TAFA4: variants seen among roughly 807,000 people sequenced by gnomAD.
TAFA4 encodes TAFA chemokine like family member 4.
TAFA4 carries 20 observed loss-of-function variants against 21.1 expected under a neutral mutation model. The observed-to-expected ratio is 0.95, with a 90% confidence interval of 0.67 to 1.38. TAFA4 has a LOEUF of 1.38. TAFA4 is among the 40% of genes most tolerant of loss of function. The pLI, the probability that TAFA4 is intolerant of heterozygous loss-of-function variation, is 0.00. For synonymous variants in TAFA4, 71 were observed against 67.4 expected (o/e 1.05, Z -0.26); for missense variants, 211 against 180.9 (o/e 1.17, Z -0.95).
At chr3:68,812,792 C>T (rs1703871812) in intron 3 of TAFA4, among the ~76,000 whole-genome samples, 1 of 152,100 alleles carries the variant, frequency 6.6e-6, no homozygotes, top group East Asian at 1.9e-4. Context: ...GAAGGATACC[C>T]AGGAATTGAA....
chr3:68,785,190 C>A (rs1177092994), intron 3 of TAFA4, among the ~76,000 whole-genome samples: 1 of 152,234 alleles, frequency 6.6e-6, no homozygotes, highest in African/African-American at 2.4e-5. Context: ...TATTTACAAT[C>A]CCCTAGCTAG....
intron 1 of TAFA4, among the ~76,000 whole-genome samples, chr3:68,917,315 C>T (rs1270309358): frequency 6.6e-6 from 1 of 152,132 alleles, no homozygotes; most frequent in South Asian, 2.1e-4. Context: ...TAAACAGCAC[C>T]TCAACTGCAC....
At chr3:68,793,549 A>T (rs1252723231) in intron 3 of TAFA4, among the ~76,000 whole-genome samples, 1 of 152,236 alleles carries the variant, frequency 6.6e-6, no homozygotes, top group African/African-American at 2.4e-5. Flanking sequence ...TTGAGCTTAT[A>T]TTTGAGCAAC....
chr3:68,906,343 T>C (rs1371532131), intron 1 of TAFA4, among the ~76,000 whole-genome samples: 1 of 152,214 alleles, frequency 6.6e-6, no homozygotes, highest in African/African-American at 2.4e-5. Flanking sequence ...CTTTCAATTA[T>C]TCGGGGTCTT....
intron 1 of TAFA4, among the ~76,000 whole-genome samples, chr3:68,914,167 C>A (rs1476083120): frequency 2.0e-5 from 3 of 152,144 alleles, no homozygotes; most frequent in South Asian, 2.1e-4. Flanking sequence ...CCTATTCTTA[C>A]AACGAAATAC....
chr3:68,884,468 G>T (rs2089651088), intron 2 of TAFA4, among the ~76,000 whole-genome samples: 1 of 152,182 alleles, frequency 6.6e-6, no homozygotes, highest in African/African-American at 2.4e-5. Flanking sequence ...CCTCCCCACG[G>T]TCTAACTGCT....
chr3:68,891,749 C>T (rs979654017), intron 1 of TAFA4, among the ~76,000 whole-genome samples: 2 of 152,082 alleles, frequency 1.3e-5, no homozygotes, highest in Admixed American at 6.5e-5. Context: ...GAGACTATCC[C>T]ACTAAGTGAT....
At chr3:68,770,312 G>T (rs1219418215) in intron 3 of TAFA4, among the ~76,000 whole-genome samples, 1 of 152,124 alleles carries the variant, frequency 6.6e-6, no homozygotes, top group African/African-American at 2.4e-5. Flanking sequence ...CTGTTATAAG[G>T]GTAGAAAAGT....
intron 3 of TAFA4, among the ~76,000 whole-genome samples, chr3:68,826,893 TTTA>T (rs1575627522): frequency 6.6e-6 from 1 of 152,152 alleles, no homozygotes; most frequent in Non-Finnish European, 1.5e-5. Flanking sequence ...TTTCTGTATT[TTTA>T]TTATTATACT....
At chr3:68,733,349 C>CAAAG (rs1394843475) in intron 5 of TAFA4, among the ~76,000 whole-genome samples, 196 bp from the exon 6 acceptor site, 14 of 152,110 alleles carry the variant, frequency 9.2e-5, no homozygotes, top group Non-Finnish European at 1.5e-5. Context: ...AATACATGCA[C>CAAAG]AAAGACTTCC....
intron 4 of TAFA4, among the ~76,000 whole-genome samples, chr3:68,744,942 A>G (rs180931128): frequency 1.3e-5 from 2 of 152,298 alleles, no homozygotes; most frequent in East Asian, 1.9e-4. Context: ...TTGCAAATAT[A>G]TATATTTTCC....
Position 68,752,858 on chromosome 3 carries a change from C to G in TAFA4, c.286+5G>C, listed in dbSNP as rs752000474. The G allele has an allele frequency of 1.2e-6, 2 of 1,614,008 alleles. No homozygotes were observed. The highest frequency in any genetic ancestry group is 1.7e-5 in the Admixed American group (1 of 60,000). ...TACCAGAGATGCTGACCAGAGAGGT[C>G]TTACCTTCAACACAAGAAGGTTGAG... On this transcript the variant is annotated splice_donor_5th_base_variant and intron_variant, in intron 4 of 5. Transcript: ENST00000295569.
intron 4 of TAFA4, among the ~76,000 whole-genome samples, chr3:68,751,021 A>G (rs765617209): frequency 2.6e-5 from 4 of 152,250 alleles, no homozygotes; most frequent in African/African-American, 9.6e-5. Context: ...AGGGTGTTGC[A>G]AGAACTTACA....
At chr3:68,758,840 T>C (rs1426285579) in intron 3 of TAFA4, among the ~76,000 whole-genome samples, 6 of 152,202 alleles carry the variant, frequency 3.9e-5, no homozygotes, top group Non-Finnish European at 8.8e-5. Context: ...TATAACATTG[T>C]ATTAGTTAAG....
chr3:68,734,173 T>C (rs531036206), intron 5 of TAFA4, among the ~76,000 whole-genome samples: 2 of 152,334 alleles, frequency 1.3e-5, no homozygotes, highest in East Asian at 3.9e-4. Flanking sequence ...TGGTAAAATC[T>C]GAATTTCATA....
At chr3:68,828,163 G>T (rs183120297) in intron 3 of TAFA4, among the ~76,000 whole-genome samples, 222 of 152,158 alleles carry the variant, frequency 1.5e-3, no homozygotes, top group African/African-American at 5.0e-3. Flanking sequence ...TTTTTGTCAG[G>T]TTTGTCAAAG....
chr3:68,797,287 A>G (rs1703470813), intron 3 of TAFA4, among the ~76,000 whole-genome samples: 4 of 152,178 alleles, frequency 2.6e-5, no homozygotes, highest in Admixed American at 1.3e-4. Context: ...AAAATGTGGT[A>G]TGTACATACA....
intron 3 of TAFA4, among the ~76,000 whole-genome samples, chr3:68,835,945 C>A (rs561212271): frequency 6.6e-6 from 1 of 152,264 alleles, no homozygotes; most frequent in South Asian, 2.1e-4. Flanking sequence ...ACACACCTAC[C>A]AAATTGCCCT....
chr3:68,900,283 CAATAATAATAATAATAAT>C (rs60973878), intron 1 of TAFA4, among the ~76,000 whole-genome samples: 2 of 120,686 alleles, frequency 1.7e-5, no homozygotes, highest in African/African-American at 6.2e-5. Context: ...ATAATAATAA[CAATAATAATAATAATAAT>C]AATAATAATA....
Sources: allele counts gnomAD v4.1 joint callset (sites outside exome capture counted in the v4.1 genomes callset), GRCh38; gene constraint gnomAD v4.1.1; transcripts MANE v1.5; gene names NCBI Gene and HGNC (gene_info 2026-07-23, HGNC 2026-07-21).